The following LTBP2 variants were observed in gnomAD, a reference collection of about 807,000 sequenced individuals.
The protein encoded by LTBP2 is latent-transforming growth factor beta-binding protein 2.
In LTBP2, 103 loss-of-function variants were observed where a neutral mutation model predicts 210.6. The observed-to-expected ratio is 0.49, with a 90% CI of 0.42 to 0.58. The LOEUF is 0.58. Among genes scored for constraint, LTBP2 ranks in the 20% least tolerant of loss-of-function variants. The pLI is 0.00. For synonymous variants in LTBP2, 1,007 were observed against 1,015.0 expected, an observed-to-expected ratio of 0.99 and a Z score of 0.15; for missense variants, 2,313 against 2,494.5, an observed-to-expected ratio of 0.93 and a Z score of 1.55.
At chr14:74,597,814 C>T (rs564226759) in intron 2 of LTBP2, among the ~76,000 whole-genome samples, 1 of 152,334 alleles carries the variant, frequency 6.6e-6, no homozygotes, top group East Asian at 1.9e-4. Flanking sequence ...CTGCCAACTT[C>T]AGAGTCCCCA....
intron 17 of LTBP2, among the ~76,000 whole-genome samples, chr14:74,519,554 A>G (rs1315285450): frequency 6.6e-6 from 1 of 151,626 alleles, no homozygotes; most frequent in Non-Finnish European, 1.5e-5. Context: ...CTATAAATAG[A>G]TATAAATATC....
intron 3 of LTBP2, among the ~76,000 whole-genome samples, chr14:74,557,204 T>A (rs2087741225): frequency 6.6e-6 from 1 of 152,154 alleles, no homozygotes; most frequent in Admixed American, 6.5e-5. Flanking sequence ...GAGGATGCAG[T>A]GAGCTGAGAT....
chr14:74,548,417 GCGGT>G (rs2087605551), intron 8 of LTBP2, among the ~76,000 whole-genome samples: 2 of 152,016 alleles, frequency 1.3e-5, no homozygotes, highest in African/African-American at 4.8e-5. Flanking sequence ...AGAGGAAGGT[GCGGT>G]TTTTACCACC....
chr14:74,599,728 G>A (rs1445016438), intron 2 of LTBP2, among the ~76,000 whole-genome samples: 1 of 152,258 alleles, frequency 6.6e-6, no homozygotes, highest in African/African-American at 2.4e-5. Context: ...GCGGAAGGAG[G>A]GCAGGCCCGG....
In LTBP2 at chr14:74,499,091, C is replaced by G. The variant is rs2086882561; in HGVS notation, c.*1793G>C. On this transcript the variant is annotated 3_prime_UTR_variant, in exon 36 of 36. Transcript: ENST00000261978. ...GCCATATTGTCCTCTTCAATATGTA[C>G]TTCTGTCAGCTGTTATGAGAGTACC... 2 of 217,510 alleles carry G rather than the reference C, an allele frequency of 9.2e-6. No homozygotes were observed. Among genetic ancestry groups the G allele is most frequent in the Admixed American group, 5.8e-5 (1 of 17,228 alleles). 13.5% of individuals were successfully genotyped at this position (217,510 alleles called of 1,614,324 possible).
chr14:74,523,148 C>T (rs1225882028), intron 15 of LTBP2, among the ~76,000 whole-genome samples: 1 of 152,098 alleles, frequency 6.6e-6, no homozygotes, highest in Non-Finnish European at 1.5e-5. Flanking sequence ...AGGGCATCCC[C>T]CTCACCGAGA....
intron 28 of LTBP2, among the ~76,000 whole-genome samples, chr14:74,505,391 A>G (rs549185870): frequency 2.9e-4 from 44 of 152,318 alleles, no homozygotes; most frequent in African/African-American, 9.6e-4. Flanking sequence ...GGGCCTCGCC[A>G]CTGCTGTGCG....
chr14:74,532,319 G>A (rs919811653), intron 10 of LTBP2, 107 bp downstream of exon 10: 34 of 1,471,320 alleles, frequency 2.3e-5, no homozygotes, highest in African/African-American at 1.8e-4. Flanking sequence ...TGAGCATGGC[G>A]TGATCAGGTC....
chr14:74,585,787 A>G lies in LTBP2; in HGVS notation c.830+67T>C, dbSNP rs1375698184. 2.5e-6 allele frequency: 4 copies of G among 1,611,708 alleles called. No individual in the cohort carries two copies. The Admixed American group carries it at 5.0e-5, about 20-fold the overall frequency. ...CCACCAGCCTTCACCAAACGGTCCA[A>G]AGGAAGAAGCCCCTCCAAAAAGAGA... is the stretch of plus-strand genomic sequence containing the variant. On this transcript the variant is annotated intron_variant, in intron 3 of 35. Transcript: ENST00000261978.
rs1027316634 is a variant in LTBP2, at chr14:74,586,834, G to A, written c.566-716C>T. Among the ~76,000 whole-genome samples the A allele has an allele frequency of 1.3e-5, 2 of 152,214 alleles. No individual in the cohort carries two copies. The highest frequency in any genetic ancestry group is 1.3e-4 in the Admixed American group (2 of 15,284). ...GCGGCCAGAGAAAGCACGGTGGCCA[G>A]AATATAGCTGCCGGCACCACAGCCG... is the stretch of plus-strand genomic sequence containing the variant. On this transcript the variant is annotated intron_variant, in intron 2 of 35. Coordinates refer to ENST00000261978, the MANE Select transcript of LTBP2 (RefSeq NM_000428.3). This position sits in a 1 kb window ranked among gnomAD's most constrained non-coding sequence, Gnocchi z 4.6.
chr14:74,566,069 G>GT (rs1820565579), intron 3 of LTBP2, among the ~76,000 whole-genome samples: 4 of 145,730 alleles, frequency 2.7e-5, no homozygotes, highest in African/African-American at 1.1e-4. Flanking sequence ...CCTATAGCTG[G>GT]GTTTTTTTTT....
In LTBP2 at chr14:74,503,948, A is replaced by G. The variant is rs749617196; in HGVS notation, c.4560T>C (p.Asp1520=). The part of the protein sequence containing the change: ...VCLCNPGFHY[D]ASHKKCEDHD... Reference sequence around the variant, plus strand: ...TACCCTCACACTTCTTGTGGGAAGCATCGTAGTGGAAGCCGGGATTGCACA... The same window carrying G: ...TACCCTCACACTTCTTGTGGGAAGCGTCGTAGTGGAAGCCGGGATTGCACA... Residue 1520 remains aspartate (D), a synonymous_variant, in exon 31 of 36, where the codon GAT becomes GAC. Transcript: ENST00000261978. 1.9e-5 allele frequency: 31 copies of G among 1,614,042 alleles called. No homozygotes were observed. The South Asian group carries it at 3.0e-4, about 15-fold the overall frequency.
intron 8 of LTBP2, among the ~76,000 whole-genome samples, chr14:74,537,512 T>C (rs1446555535): frequency 1.3e-5 from 2 of 152,376 alleles, no homozygotes; most frequent in East Asian, 3.9e-4. Flanking sequence ...CTGTAGCAAT[T>C]TGCCGTCTTC....
At chr14:74,503,656 A>T (rs1186677746) in intron 31 of LTBP2, 50 bp from the exon 32 acceptor site, 1 of 1,607,964 alleles carries the variant, frequency 6.2e-7, no homozygotes, top group Non-Finnish European at 8.5e-7. Flanking sequence ...CTTTCCACCA[A>T]CCACCCTCAG....
intron 1 of LTBP2, among the ~76,000 whole-genome samples, chr14:74,610,118 G>C (rs779999706): frequency 6.6e-6 from 1 of 152,228 alleles, no homozygotes; most frequent in Non-Finnish European, 1.5e-5. Flanking sequence ...CTAGGCACAA[G>C]AGACACAGAA....
rs1021576369 is a variant in LTBP2, at chr14:74,521,933, T to C, written c.2766A>G (p.Ser922=). ...FCYPGYTLAT[S]GATQECQDIN... ...TACCTTGACACTCCTGTGTCGCCCC[T>C]GAGGTGGCCAGAGTGTAGCCAGGGT... The change falls in exon 17 of 36, where the codon TCA becomes TCG. Residue 922 remains serine, a synonymous_variant. Coordinates refer to ENST00000261978, the MANE Select transcript of LTBP2 (RefSeq NM_000428.3). The C allele has an allele frequency of 1.9e-6, 3 of 1,614,168 alleles. No homozygotes were observed. In the African/African-American group the frequency reaches 4.0e-5, roughly 22 times the overall value.
intron 3 of LTBP2, among the ~76,000 whole-genome samples, chr14:74,585,385 G>A (rs2139787371): frequency 6.6e-6 from 1 of 152,346 alleles, no homozygotes; most frequent in South Asian, 2.1e-4. Context: ...ATATGTGCCA[G>A]GCACTGTTCT....
At position 74,545,210 on chromosome 14, in the gene LTBP2, C is replaced by A. The variant is rs1034717356; in HGVS notation, c.1789+4653G>T. ...GAGTCAGACATACTGTGGTTGGAATCCTGGCTCTACCTGCCCTAGATGTAT... is the reference window on the plus strand; with the variant it reads ...GAGTCAGACATACTGTGGTTGGAATACTGGCTCTACCTGCCCTAGATGTAT... On this transcript the variant is annotated intron_variant, in intron 8 of 35. Transcript: ENST00000261978. Among the ~76,000 whole-genome samples, 7 of 152,244 alleles carry A rather than the reference C, an allele frequency of 4.6e-5. 1 individual carries two copies. The Middle Eastern group carries it at 0.02, about 444-fold the overall frequency.
At chr14:74,516,743 T>C (rs1428540481) in intron 18 of LTBP2, 79 bp downstream of exon 18, 1 of 1,521,778 alleles carries the variant, frequency 6.6e-7, no homozygotes, top group Non-Finnish European at 8.9e-7. Flanking sequence ...CCAGAAGGCG[T>C]GTTGGTGGTG....
Sources: allele counts gnomAD v4.1 joint callset (sites outside exome capture counted in the v4.1 genomes callset), GRCh38; gene constraint gnomAD v4.1.1; non-coding constraint Gnocchi (gnomAD v3.1); transcripts MANE v1.5; gene names NCBI Gene and HGNC (gene_info 2026-07-23, HGNC 2026-07-21).